PI4KA: variants seen among roughly 807,000 people sequenced by gnomAD.
The protein encoded by PI4KA is phosphatidylinositol 4-kinase alpha.
In PI4KA, 122 loss-of-function variants were observed where a neutral mutation model predicts 271.4. That is an observed-to-expected ratio of 0.45 (90% CI 0.39 to 0.52). The LOEUF (loss-of-function observed/expected upper bound fraction) is 0.52, where lower values mean the gene tolerates loss of function less well. Among genes scored for constraint, PI4KA ranks in the 20% least tolerant of loss-of-function variants. The pLI, the probability that PI4KA is intolerant of heterozygous loss-of-function variation, is 0.00. For missense variants in PI4KA, 1,969 were observed against 2,769.1 expected (o/e 0.71, Z 6.48); for synonymous variants, 1,041 against 1,078.8 (o/e 0.96, Z 0.69).
chr22:20,743,567 T>C (rs2147291378), intron 30 of PI4KA, among the ~76,000 whole-genome samples: 1 of 152,100 alleles, frequency 6.6e-6, no homozygotes, highest in East Asian at 1.9e-4. Flanking sequence ...GTGATCCTCC[T>C]GTCTCAGCCT....
intron 29 of PI4KA, 165 bp downstream of exon 29, chr22:20,747,418 G>T: frequency 1.8e-6 from 1 of 556,120 alleles, no homozygotes; most frequent in Non-Finnish European, 3.0e-6. Context: ...CCTCTTCTTT[G>T]GGCCAAGGTG....
intron 29 of PI4KA, 102 bp from the exon 30 acceptor site, chr22:20,744,822 T>G: frequency 5.0e-6 from 4 of 803,884 alleles, no homozygotes; most frequent in Non-Finnish European, 4.0e-6. Flanking sequence ...CACTCGGGTC[T>G]GGGGGTTACT....
chr22:20,815,052 A>G (rs929331175), intron 7 of PI4KA, among the ~76,000 whole-genome samples: 1 of 152,074 alleles, frequency 6.6e-6, no homozygotes, highest in African/African-American at 2.4e-5. Context: ...CCAAAAGCAT[A>G]TAATTGTTTG....
At chr22:20,724,671 C>G (rs1028106883) in intron 42 of PI4KA, among the ~76,000 whole-genome samples, 4 of 152,056 alleles carry the variant, frequency 2.6e-5, no homozygotes, top group Non-Finnish European at 1.5e-5. Flanking sequence ...ACCAGTGAAA[C>G]TAGCTGAGTC....
intron 3 of PI4KA, among the ~76,000 whole-genome samples, chr22:20,834,062 C>T (rs1010054640): frequency 2.6e-5 from 4 of 151,978 alleles, no homozygotes; most frequent in African/African-American, 4.8e-5. Context: ...CAATTTATTC[C>T]GTTTCTAAAG....
At position 20,740,457 on chromosome 22, in the gene PI4KA, T is replaced by TA. The variant is rs5844436; in HGVS notation, c.3741+1770dup. On this transcript the variant is annotated intron_variant, in intron 32 of 54. Transcript: ENST00000255882. The stretch of plus-strand genomic sequence containing the variant: ...ATATTGACCTTAAGAGCCTAGGAAG[T>TA]AAAAAAAAAAAAGAAAAAGAAATGA... Among the ~76,000 whole-genome samples the TA allele has an allele frequency of 4.3e-3, 616 of 144,176 alleles. 2 individuals carry two copies. The highest frequency in any genetic ancestry group is 0.013 in the African/African-American group (507 of 39,726). 94.6% of individuals were successfully genotyped at this position (144,176 alleles called of 152,430 possible).
At chr22:20,749,004 C>T (rs1025306367) in intron 28 of PI4KA, among the ~76,000 whole-genome samples, 1 of 152,202 alleles carries the variant, frequency 6.6e-6, no homozygotes, top group Non-Finnish European at 1.5e-5. Context: ...GCCAGACCTG[C>T]GTGAGAAAGT....
chr22:20,751,164 G>A, intron 27 of PI4KA, 129 bp downstream of exon 27: 1 of 704,548 alleles, frequency 1.4e-6, no homozygotes, highest in Non-Finnish European at 2.4e-6. Context: ...CTGGGGGATG[G>A]GGCCAGCACC....
At chr22:20,774,418 A>C (rs1016651845) in intron 19 of PI4KA, among the ~76,000 whole-genome samples, 2 of 152,256 alleles carry the variant, frequency 1.3e-5, no homozygotes, top group African/African-American at 4.8e-5. Context: ...TCCTGTGATT[A>C]TGTATGAGAA....
chr22:20,795,063 A>G (rs192118767), intron 18 of PI4KA, among the ~76,000 whole-genome samples: 17 of 152,326 alleles, frequency 1.1e-4, no homozygotes, highest in Admixed American at 9.8e-4. Flanking sequence ...GAAGAAATGG[A>G]AGAGAGAGGA....
At chr22:20,795,164 T>G (rs1041135904) in intron 18 of PI4KA, among the ~76,000 whole-genome samples, 1 of 152,162 alleles carries the variant, frequency 6.6e-6, no homozygotes, top group Non-Finnish European at 1.5e-5. Flanking sequence ...ATTTTTTAAT[T>G]TATAGTACCC....
chr22:20,710,403 G>A (rs993200400), intron 52 of PI4KA: 15 of 548,000 alleles, frequency 2.7e-5, no homozygotes, highest in African/African-American at 2.7e-4. Flanking sequence ...CGTAGCCTGT[G>A]GGGTGGCAGG....
At chr22:20,782,698 T>G (rs1251344810) in intron 19 of PI4KA, among the ~76,000 whole-genome samples, 1 of 152,078 alleles carries the variant, frequency 6.6e-6, no homozygotes, top group Non-Finnish European at 1.5e-5. Flanking sequence ...TGTCACAACC[T>G]GGGGGGTTGG....
intron 22 of PI4KA, among the ~76,000 whole-genome samples, chr22:20,761,802 G>A (rs2147379217): frequency 6.6e-6 from 1 of 152,252 alleles, no homozygotes; most frequent in South Asian, 2.1e-4. Context: ...ACTATTAACA[G>A]AAAAAAGGAA....
In PI4KA at chr22:20,786,933, C is replaced by G. The variant is rs1934286728; in HGVS notation, c.2328+6260G>C. 3 of 1,614,042 alleles carry G rather than the reference C, an allele frequency of 1.9e-6. No homozygotes were observed. Among genetic ancestry groups the G allele is most frequent in the South Asian group, 2.2e-5 (2 of 91,084 alleles). On this transcript the variant is annotated intron_variant, in intron 19 of 54. Coordinates refer to ENST00000255882, the MANE Select transcript of PI4KA (RefSeq NM_058004.4). ...GAAGGCACCCAAGCCACCACTGTGA[C>G]CACGGTGGGGTTCATGCCGCTGTCC... is the stretch of plus-strand genomic sequence containing the variant.
chr22:20,744,609 GCAAGGA>G lies in PI4KA; in HGVS notation c.3456+13_3456+18del, dbSNP rs757157954. On this transcript the variant is annotated intron_variant, in intron 30 of 54. Coordinates refer to ENST00000255882, the MANE Select transcript of PI4KA (RefSeq NM_058004.4). ...GAGGACACGTTAAAGGCCCTAGGGC[GCAAGGA>G]CAAGAGAAGCACCTCGCCCGCGTAG... 8.2e-6 allele frequency: 13 copies of G among 1,593,404 alleles called. No homozygotes were observed. In the East Asian group the frequency reaches 2.7e-4, roughly 33 times the overall value.
intron 19 of PI4KA, chr22:20,779,513 C>T (rs772705090): frequency 4.6e-5 from 74 of 1,613,912 alleles, no homozygotes; most frequent in African/African-American, 9.3e-5. Context: ...CCGTCACCAA[C>T]GACTGGATTC....
chr22:20,784,049 G>C, intron 19 of PI4KA: 1 of 1,614,174 alleles, frequency 6.2e-7, no homozygotes, highest in Middle Eastern at 1.6e-4. Flanking sequence ...GGTAGTTAAG[G>C]TTTCCATGAT....
At chr22:20,839,889 C>T (rs1262990312) in intron 1 of PI4KA, among the ~76,000 whole-genome samples, 2 of 152,016 alleles carry the variant, frequency 1.3e-5, no homozygotes, top group Non-Finnish European at 2.9e-5. Context: ...ATAGTAAATG[C>T]TCAATAAACA....
Sources: allele counts gnomAD v4.1 joint callset (sites outside exome capture counted in the v4.1 genomes callset), GRCh38; gene constraint gnomAD v4.1.1; transcripts MANE v1.5; gene names NCBI Gene and HGNC (gene_info 2026-07-23, HGNC 2026-07-21).